Variants in DEPTOR observed in about 807,000 individuals in gnomAD.
The protein encoded by DEPTOR is DEP domain containing MTOR interacting protein.
A neutral mutation model predicts 41.6 loss-of-function variants in DEPTOR; 41 were observed. That is an observed-to-expected ratio of 0.98 (90% CI 0.77 to 1.28). The LOEUF (loss-of-function observed/expected upper bound fraction) is 1.28, where lower values mean the gene tolerates loss of function less well. Among genes scored for constraint, DEPTOR ranks in the 50% most tolerant of loss-of-function variants. The probability of loss-of-function intolerance (pLI) is 0.00; values close to 1 mark genes in which losing one functional copy is unlikely to be tolerated. For missense variants in DEPTOR, 514 were observed against 527.9 expected (o/e 0.97, Z 0.26); for synonymous variants, 195 against 192.3 (o/e 1.01, Z -0.12).
chr8:119,891,939 A>C (rs1442210233), intron 1 of DEPTOR, among the ~76,000 whole-genome samples: 2 of 152,134 alleles, frequency 1.3e-5, no homozygotes, highest in Non-Finnish European at 2.9e-5. Flanking sequence ...ATGTGTTTCA[A>C]TATATTTGTC....
intron 1 of DEPTOR, among the ~76,000 whole-genome samples, chr8:119,889,366 G>A (rs1827416432): frequency 6.6e-6 from 1 of 151,496 alleles, no homozygotes; most frequent in African/African-American, 2.4e-5. Flanking sequence ...GGGCAACACT[G>A]GGAGACCCCA....
At chr8:119,898,115 T>G (rs749623493) in intron 1 of DEPTOR, among the ~76,000 whole-genome samples, 5 of 152,176 alleles carry the variant, frequency 3.3e-5, no homozygotes, top group Non-Finnish European at 7.3e-5. Flanking sequence ...GCCCACTGAT[T>G]TACGTATTGT....
intron 8 of DEPTOR, among the ~76,000 whole-genome samples, chr8:120,043,699 C>A (rs1210785766): frequency 2.6e-5 from 4 of 152,076 alleles, no homozygotes; most frequent in Non-Finnish European, 5.9e-5. Flanking sequence ...TCCTCTCTGA[C>A]ATTTAGCTTG....
In DEPTOR at chr8:119,946,746, T is replaced by TA. The variant is rs796481285; in HGVS notation, c.425+16818dup. Among the ~76,000 whole-genome samples, 970 of 148,732 alleles carry TA rather than the reference T, an allele frequency of 6.5e-3. 12 individuals carry two copies. The highest frequency in any genetic ancestry group is 0.023 in the African/African-American group (923 of 40,674). Reference sequence around the variant, plus strand: ...CGAAACTTTGTCTCAAAAAATAAAATAAAAAAAAAAGTTCTCTGTGTTCTA... The same window carrying TA: ...CGAAACTTTGTCTCAAAAAATAAAATAAAAAAAAAAAGTTCTCTGTGTTCTA... On this transcript the variant is annotated intron_variant, in intron 3 of 8. Transcript: ENST00000286234.
intron 3 of DEPTOR, among the ~76,000 whole-genome samples, chr8:119,962,011 C>T (rs1334425661): frequency 6.6e-6 from 1 of 150,678 alleles, no homozygotes; most frequent in Admixed American, 6.7e-5. Context: ...GAGGCCAAGG[C>T]CAGCAGATCA....
At chr8:119,939,550 C>T (rs559112865) in intron 3 of DEPTOR, among the ~76,000 whole-genome samples, 6 of 152,198 alleles carry the variant, frequency 3.9e-5, no homozygotes, top group Admixed American at 2.6e-4. Flanking sequence ...TGCATTGGTG[C>T]GATCTCGGCT....
At chr8:120,010,648 A>G (rs1346908488) in intron 8 of DEPTOR, among the ~76,000 whole-genome samples, 4 of 152,026 alleles carry the variant, frequency 2.6e-5, no homozygotes, top group East Asian at 1.9e-4. Flanking sequence ...AAAAACACAC[A>G]TATACAGTCA....
chr8:120,022,029 C>T (rs958245108), intron 8 of DEPTOR, among the ~76,000 whole-genome samples: 10 of 151,886 alleles, frequency 6.6e-5, no homozygotes. Context: ...CCACTACTGG[C>T]ACGTAGTAGT....
chr8:120,004,388 G>A (rs901284496), intron 6 of DEPTOR, among the ~76,000 whole-genome samples: 1 of 152,274 alleles, frequency 6.6e-6, no homozygotes, highest in South Asian at 2.1e-4. Flanking sequence ...ACTGGAGCTT[G>A]CTGCTAAAGT....
intron 8 of DEPTOR, among the ~76,000 whole-genome samples, chr8:120,030,395 CATT>C (rs1812867739): frequency 6.7e-6 from 1 of 149,892 alleles, no homozygotes; most frequent in Non-Finnish European, 1.5e-5. Flanking sequence ...GGGTACCGGT[CATT>C]ATACATTTAA....
intron 1 of DEPTOR, among the ~76,000 whole-genome samples, chr8:119,904,965 CTTTTTTTTTTTT>C (rs71304920): frequency 5.8e-5 from 5 of 85,972 alleles, no homozygotes; most frequent in East Asian, 5.2e-4. Context: ...CTAATTTTTG[CTTTTTTTTTTTT>C]TTTTTTTTTT....
In DEPTOR at chr8:119,908,019, A is replaced by C. The variant is rs1265163843; in HGVS notation, c.123-20381A>C. ...AGCTAGCCTCATGATGAGGCTGGCCATCAGAAAGACCAAGTGATTAGAGGA... is the reference window on the plus strand; with the variant it reads ...AGCTAGCCTCATGATGAGGCTGGCCCTCAGAAAGACCAAGTGATTAGAGGA... On this transcript the variant is annotated intron_variant, in intron 1 of 8. Transcript: ENST00000286234. Among the ~76,000 whole-genome samples the C allele has an allele frequency of 2.0e-5, 3 of 152,168 alleles. 1 individual carries two copies. Among genetic ancestry groups the C allele is most frequent in the Non-Finnish European group, 4.4e-5 (3 of 68,034 alleles).
intron 1 of DEPTOR, among the ~76,000 whole-genome samples, chr8:119,885,034 T>C (rs1261290780): frequency 3.3e-5 from 5 of 152,216 alleles, no homozygotes; most frequent in Non-Finnish European, 7.3e-5. Context: ...TTTTGGATTA[T>C]AGGCGTGAGC....
chr8:119,997,493 C>G (rs1467686392), intron 4 of DEPTOR, among the ~76,000 whole-genome samples: 1 of 152,170 alleles, frequency 6.6e-6, no homozygotes, highest in Non-Finnish European at 1.5e-5. Context: ...ACCTTGGTCT[C>G]CCAATGTGCT....
intron 5 of DEPTOR, 61 bp downstream of exon 5, chr8:120,001,771 A>G (rs528546266): frequency 1.9e-5 from 29 of 1,524,192 alleles, no homozygotes; most frequent in East Asian, 6.9e-5. Context: ...TAGTGGAGCC[A>G]TGACTCACCT....
chr8:119,981,771 C>CTT (rs1413212643), intron 4 of DEPTOR, among the ~76,000 whole-genome samples: 1 of 151,910 alleles, frequency 6.6e-6, no homozygotes, highest in East Asian at 1.9e-4. Context: ...AATCCCAGCA[C>CTT]TTTGGGAAGC....
intron 1 of DEPTOR, among the ~76,000 whole-genome samples, chr8:119,891,808 A>G (rs1268952330): frequency 1.3e-5 from 2 of 152,230 alleles, no homozygotes; most frequent in Non-Finnish European, 2.9e-5. Context: ...CCAAAGCTGT[A>G]TAAAAGTCAT....
At chr8:119,913,422 G>C (rs1827770014) in intron 1 of DEPTOR, among the ~76,000 whole-genome samples, 1 of 152,166 alleles carries the variant, frequency 6.6e-6, no homozygotes, top group South Asian at 2.1e-4. Flanking sequence ...AAATAACATT[G>C]ATTGGTGATT....
intron 4 of DEPTOR, among the ~76,000 whole-genome samples, chr8:119,999,376 T>C (rs1045237165): frequency 2.2e-4 from 33 of 152,216 alleles, no homozygotes; most frequent in African/African-American, 7.7e-4. Context: ...CTTAAGGTCA[T>C]GCTGGGTTTA....
Sources: allele counts gnomAD v4.1 joint callset (sites outside exome capture counted in the v4.1 genomes callset), GRCh38; gene constraint gnomAD v4.1.1; transcripts MANE v1.5; gene names NCBI Gene and HGNC (gene_info 2026-07-23, HGNC 2026-07-21).